RIMOC1: variants seen among roughly 807,000 people sequenced by gnomAD.
RIMOC1 encodes the protein RAB7A-interacting MON1-CCZ1 complex subunit 1.
the RIMOC1 span, chr5:41,920,289 T>C: frequency 6.6e-6 from 1 of 152,126 alleles, no homozygotes; most frequent in African/African-American, 2.4e-5. Context: ...TAAAATGCTT[T>C]TTACTCTGGT....
At chr5:41,916,417 A>G in the RIMOC1 span, 1 of 948,584 alleles carries the variant, frequency 1.1e-6, no homozygotes, top group Non-Finnish European at 1.3e-6. Flanking sequence ...ACTTTTGATG[A>G]AAATTCTGCA....
the RIMOC1 span, among the ~76,000 whole-genome samples, chr5:41,908,771 G>A: frequency 6.6e-6 from 1 of 152,090 alleles, no homozygotes; most frequent in Admixed American, 6.6e-5. Flanking sequence ...TAACTTACTG[G>A]AATAAGGCAA....
At chr5:41,915,529 A>T in the RIMOC1 span, among the ~76,000 whole-genome samples, 3 of 150,984 alleles carry the variant, frequency 2.0e-5, no homozygotes, top group Non-Finnish European at 2.9e-5. Context: ...GACTGGGAAG[A>T]AAAAATAGGT....
the RIMOC1 span, chr5:41,921,219 GTGT>G: frequency 6.6e-6 from 1 of 152,464 alleles, no homozygotes; most frequent in Non-Finnish European, 1.5e-5. Context: ...GAATTCTCTG[GTGT>G]TCATTAAAGT....
At chr5:41,909,781 G>C in the RIMOC1 span, 1 of 1,580,982 alleles carries the variant, frequency 6.3e-7, no homozygotes, top group East Asian at 2.3e-5. Context: ...AGGAGAACAA[G>C]CTAGTAGATG....
chr5:41,909,342 ATCC>A, the RIMOC1 span, among the ~76,000 whole-genome samples: 1 of 152,126 alleles, frequency 6.6e-6, no homozygotes, highest in Non-Finnish European at 1.5e-5. Context: ...GGGAACACAA[ATCC>A]TTTGAAGGTT....
chr5:41,917,601 T>TTA, the RIMOC1 span: 1,458 of 900,966 alleles, frequency 1.6e-3, 13 homozygotes, highest in African/African-American at 0.037. Flanking sequence ...TTCTATTACT[T>TTA]TTTTTTTTTA....
chr5:41,921,089 T>G, the RIMOC1 span: 5 of 152,630 alleles, frequency 3.3e-5, no homozygotes, highest in Admixed American at 1.3e-4. Context: ...TTGATGCTGA[T>G]TAAGGTGCAA....
chr5:41,917,826 G>T, the RIMOC1 span: 24 of 832,708 alleles, frequency 2.9e-5, no homozygotes, highest in Non-Finnish European at 3.2e-5. Flanking sequence ...ATCTCACAAA[G>T]GAATCATTGT....
At chr5:41,916,387 C>A in the RIMOC1 span, 1 of 905,476 alleles carries the variant, frequency 1.1e-6, no homozygotes, top group Non-Finnish European at 1.3e-6. Context: ...GAAAAACTAC[C>A]CATAAGAAGA....
chr5:41,913,299 G>T, the RIMOC1 span, among the ~76,000 whole-genome samples: 1 of 152,156 alleles, frequency 6.6e-6, no homozygotes, highest in African/African-American at 2.4e-5. Context: ...CTGATACATT[G>T]CCATCCCAAA....
At chr5:41,912,738 C>T in the RIMOC1 span, among the ~76,000 whole-genome samples, 18 of 152,182 alleles carry the variant, frequency 1.2e-4, no homozygotes, top group African/African-American at 4.3e-4. Context: ...CACCTCCCAC[C>T]AGCTTCCTCC....
chr5:41,904,946 T>A, the RIMOC1 span, among the ~76,000 whole-genome samples: 1 of 152,210 alleles, frequency 6.6e-6, no homozygotes, highest in South Asian at 2.1e-4. Flanking sequence ...AGCTTTACAT[T>A]GGTGTGTAGA....
the RIMOC1 span, chr5:41,911,178 A>T: frequency 1.3e-6 from 2 of 1,595,982 alleles, no homozygotes; most frequent in Non-Finnish European, 1.7e-6. Flanking sequence ...TTGCTTAAAA[A>T]GGTAAGAAGA....
chr5:41,907,796 A>G, the RIMOC1 span: 1 of 1,610,148 alleles, frequency 6.2e-7, no homozygotes, highest in East Asian at 2.2e-5. Context: ...TGTGGAGAAG[A>G]GAAAGAATGT....
At chr5:41,921,421 C>G in the RIMOC1 span, 1 of 151,402 alleles carries the variant, frequency 6.6e-6, no homozygotes, top group Non-Finnish European at 1.5e-5. Flanking sequence ...TTTAGTTTCA[C>G]TTCCCTATGT....
the RIMOC1 span, among the ~76,000 whole-genome samples, chr5:41,911,579 CA>C: frequency 1.3e-5 from 2 of 152,094 alleles, no homozygotes; most frequent in Non-Finnish European, 2.9e-5. Flanking sequence ...ATGACTGAAT[CA>C]TTAAATCCAA....
the RIMOC1 span, among the ~76,000 whole-genome samples, chr5:41,904,765 A>G: frequency 6.6e-6 from 1 of 152,254 alleles, no homozygotes; most frequent in Non-Finnish European, 1.5e-5. Flanking sequence ...CAGAATCTAA[A>G]TAAAATACAG....
chr5:41,914,673 G>C, the RIMOC1 span, among the ~76,000 whole-genome samples: 1 of 152,058 alleles, frequency 6.6e-6, no homozygotes, highest in African/African-American at 2.4e-5. Context: ...GGCAGGCTGA[G>C]GTTGGAGAAT....
Sources: gnomAD v4.1 joint callset for allele counts (sites outside exome capture counted in the v4.1 genomes callset) on GRCh38, gnomAD v4.1.1 for gene constraint, MANE v1.5 for transcripts, NCBI Gene and HGNC (gene_info 2026-07-23, HGNC 2026-07-21) for gene names.